The following ELAPOR1 variants were observed in gnomAD, a reference collection of about 807,000 sequenced individuals.
ELAPOR1 encodes endosome/lysosome-associated apoptosis and autophagy regulator 1.
Under a neutral mutation model 119.7 loss-of-function variants are expected in ELAPOR1, and 77 were observed. That is an observed-to-expected ratio of 0.64 (90% confidence interval 0.54 to 0.78). ELAPOR1 has a LOEUF of 0.78. ELAPOR1 is among the 30% of genes least tolerant of loss of function. ELAPOR1 has a pLI of 0.00. For missense variants in ELAPOR1, 1,115 were observed against 1,270.4 expected (o/e 0.88, Z 1.86); for synonymous variants, 481 against 487.2 (o/e 0.99, Z 0.17).
intron 1 of ELAPOR1, among the ~76,000 whole-genome samples, chr1:109,146,526 G>A (rs965472512): frequency 6.6e-6 from 1 of 152,192 alleles, no homozygotes; most frequent in East Asian, 1.9e-4. Flanking sequence ...CAAGGAGGCT[G>A]GAGGGTGTAG....
chr1:109,189,888 G>T (rs556812292), intron 11 of ELAPOR1, among the ~76,000 whole-genome samples: 2 of 152,122 alleles, frequency 1.3e-5, no homozygotes, highest in Admixed American at 1.3e-4. Flanking sequence ...TTTACCGACT[G>T]CTCTCTCTCC....
At chr1:109,167,860 C>T (rs1047213388) in intron 3 of ELAPOR1, among the ~76,000 whole-genome samples, 16 of 152,202 alleles carry the variant, frequency 1.1e-4, no homozygotes, top group Non-Finnish European at 1.5e-4. Context: ...CCTTCCGCCT[C>T]AACCTCCCAA....
At chr1:109,150,856 T>C (rs1347131362) in intron 1 of ELAPOR1, among the ~76,000 whole-genome samples, 1 of 152,128 alleles carries the variant, frequency 6.6e-6, no homozygotes, top group Non-Finnish European at 1.5e-5. Context: ...TAAACAGCCT[T>C]GGTTTGATAA....
intron 1 of ELAPOR1, among the ~76,000 whole-genome samples, chr1:109,149,743 C>A (rs1177067450): frequency 1.3e-5 from 2 of 152,104 alleles, no homozygotes; most frequent in East Asian, 1.9e-4. Context: ...ATAAACACAG[C>A]AAATAGTAAA....
chr1:109,145,711 T>G (rs1301755400), intron 1 of ELAPOR1, among the ~76,000 whole-genome samples: 2 of 152,006 alleles, frequency 1.3e-5, no homozygotes, highest in Non-Finnish European at 2.9e-5. Flanking sequence ...CTTGCAGATT[T>G]GAAAGAGATG....
chr1:109,116,401 T>C (rs992756522), intron 1 of ELAPOR1, among the ~76,000 whole-genome samples: 3 of 152,192 alleles, frequency 2.0e-5, no homozygotes, highest in Admixed American at 2.0e-4. Flanking sequence ...CCCACCCTCC[T>C]TCTCTGTTCA....
chr1:109,144,580 A>G (rs1437585393), intron 1 of ELAPOR1, among the ~76,000 whole-genome samples: 2 of 152,046 alleles, frequency 1.3e-5, no homozygotes, highest in East Asian at 3.9e-4. Context: ...GTCTCTACTA[A>G]AAATACAAAA....
chr1:109,156,574 A>G (rs1229581637), intron 1 of ELAPOR1, among the ~76,000 whole-genome samples: 1 of 152,246 alleles, frequency 6.6e-6, no homozygotes, highest in Non-Finnish European at 1.5e-5. Context: ...AAGTAGAATC[A>G]TACAGCATTT....
rs987036672 is a variant in ELAPOR1, at chr1:109,180,632, C to A, written c.953-4413C>A. On this transcript the variant is annotated intron_variant, in intron 7 of 21. Coordinates refer to ENST00000369939, the MANE Select transcript of ELAPOR1 (RefSeq NM_020775.5). ...ATAGTAAGCAGTAATTTTATTAATT[C>A]ATTTACCTTAAGCCCTGTCCCAACA... is the stretch of plus-strand genomic sequence containing the variant. 1.2e-4 allele frequency among the ~76,000 whole-genome samples: 18 copies of A among 152,126 alleles called. 1 individual carries two copies. The South Asian group carries it at 3.3e-3, about 28-fold the overall frequency.
chr1:109,187,145 C>T, intron 8 of ELAPOR1: 1 of 985,476 alleles, frequency 1.0e-6, no homozygotes. Context: ...ACATTTCTGA[C>T]CTTGGCTGTG....
intron 14 of ELAPOR1, 139 bp downstream of exon 14, chr1:109,193,013 G>A (rs939058472): frequency 1.1e-5 from 10 of 916,348 alleles, no homozygotes; most frequent in Non-Finnish European, 9.9e-6. Flanking sequence ...GAGTCCTGGA[G>A]GACACCCATC....
chr1:109,149,011 C>T (rs1391037334), intron 1 of ELAPOR1, among the ~76,000 whole-genome samples: 1 of 152,170 alleles, frequency 6.6e-6, no homozygotes, highest in African/African-American at 2.4e-5. Flanking sequence ...CAGTTACAGA[C>T]TGTCATAAAT....
At position 109,199,905 on chromosome 1, in the gene ELAPOR1, G is replaced by C. The variant is rs141195638; in HGVS notation, c.2553G>C (p.Glu851Asp). 4.2e-5 allele frequency: 67 copies of C among 1,613,692 alleles called. No individual in the cohort carries two copies. The highest frequency in any genetic ancestry group is 5.3e-5 in the Non-Finnish European group (63 of 1,180,052). The change falls in exon 19 of 22, where the codon GAG becomes GAC. Residue 851 changes from glutamate to aspartate, a missense_variant. Coordinates refer to ENST00000369939, the MANE Select transcript of ELAPOR1 (RefSeq NM_020775.5). Reference protein sequence around the residue: ...CDGCNFHFLWESAAACPLCSV... With the variant: ...CDGCNFHFLWDSAAACPLCSV... The stretch of plus-strand genomic sequence containing the variant: ...GCTGCAACTTCCACTTCCTGTGGGA[G>C]AGCGCGGCTGCTTGCCCGCTCTGCT...
At chr1:109,116,519 A>G (rs1349714495) in intron 1 of ELAPOR1, among the ~76,000 whole-genome samples, 1 of 152,150 alleles carries the variant, frequency 6.6e-6, no homozygotes, top group Non-Finnish European at 1.5e-5. Context: ...TCCTTGAGCA[A>G]ACAGTGGCCA....
intron 1 of ELAPOR1, among the ~76,000 whole-genome samples, chr1:109,122,661 T>TA (rs988021917): frequency 3.1e-4 from 42 of 135,822 alleles, no homozygotes; most frequent in South Asian, 5.0e-4. Context: ...ACTCTCTCTT[T>TA]AAAAAAAAAA....
intron 1 of ELAPOR1, among the ~76,000 whole-genome samples, chr1:109,154,649 G>A (rs940850920): frequency 6.6e-6 from 1 of 152,236 alleles, no homozygotes; most frequent in African/African-American, 2.4e-5. Flanking sequence ...CAGCTGGGCT[G>A]GAGAAGTGCC....
At chr1:109,193,905 A>G (rs1653609788) in intron 14 of ELAPOR1, among the ~76,000 whole-genome samples, 1 of 152,222 alleles carries the variant, frequency 6.6e-6, no homozygotes, top group African/African-American at 2.4e-5. Flanking sequence ...TGACCCTAAA[A>G]CAGAGCAATG....
chr1:109,120,395 TTAAAA>T (rs111497710), intron 1 of ELAPOR1, among the ~76,000 whole-genome samples: 38,624 of 147,672 alleles, frequency 0.26, 5,205 homozygotes, highest in South Asian at 0.34. Context: ...AGACTCTGTC[TTAAAA>T]TAAAATAAAA....
At chr1:109,144,528 G>T (rs1650060366) in intron 1 of ELAPOR1, among the ~76,000 whole-genome samples, 1 of 152,032 alleles carries the variant, frequency 6.6e-6, no homozygotes, top group African/African-American at 2.4e-5. Context: ...ATTACCTGAG[G>T]TCAGGAGTTC....
Sources: allele counts gnomAD v4.1 joint callset (sites outside exome capture counted in the v4.1 genomes callset), GRCh38; gene constraint gnomAD v4.1.1; transcripts MANE v1.5; gene names NCBI Gene and HGNC (gene_info 2026-07-23, HGNC 2026-07-21).